MEX3D: variants seen among roughly 807,000 people sequenced by gnomAD.
The protein encoded by MEX3D is mex-3 RNA binding family member D, also known as RNA-binding protein MEX3D.
In MEX3D, 4 loss-of-function variants were observed where a neutral mutation model predicts 6.3. That is an observed-to-expected ratio of 0.64 (90% CI 0.31 to 1.46). The LOEUF is 1.46. Ranked by LOEUF, MEX3D falls within the 40% of genes most tolerant of loss-of-function variation. MEX3D has a pLI of 0.07. For missense variants in MEX3D, 1,038 were observed against 994.4 expected, an observed-to-expected ratio of 1.04 and a Z score of -0.59; for synonymous variants, 626 against 494.1, an observed-to-expected ratio of 1.27 and a Z score of -3.54.
intron 1 of MEX3D, among the ~76,000 whole-genome samples, chr19:1,566,356 G>A (rs1002903672): frequency 1.3e-5 from 2 of 152,252 alleles, no homozygotes; most frequent in Non-Finnish European, 2.9e-5. Context: ...GGAAAGGGCG[G>A]AGGGGAGGGC....
At position 1,568,199 on chromosome 19, in the gene MEX3D, G is replaced by A. The variant is rs1487803548; in HGVS notation, c.-141C>T. Reference sequence around the variant, plus strand: ...GGGCACGGGGGGCCGGGCGGGCGGGGCGGCGGCGGCGCGGGGCTGCTCGGG... The same window carrying A: ...GGGCACGGGGGGCCGGGCGGGCGGGACGGCGGCGGCGCGGGGCTGCTCGGG... On this transcript the variant is annotated 5_prime_UTR_variant, in exon 1 of 2. Coordinates refer to ENST00000402693, the MANE Select transcript of MEX3D (RefSeq NM_203304.4). 1 of 466,232 alleles carries A rather than the reference G, an allele frequency of 2.1e-6. No individual in the cohort carries two copies. Among genetic ancestry groups the A allele is most frequent in the East Asian group, 1.6e-4 (1 of 6,078 alleles). 28.9% of individuals were successfully genotyped at this position (466,232 alleles called of 1,614,324 possible). A position where few individuals can be genotyped will look rare whatever the true frequency, so the allele number is the denominator to read the frequency against.
In MEX3D at chr19:1,567,347, G is replaced by A. The variant is rs929415751; in HGVS notation, c.595+117C>T. On this transcript the variant is annotated intron_variant, in intron 1 of 1. Coordinates refer to ENST00000402693, the MANE Select transcript of MEX3D (RefSeq NM_203304.4). The surrounding 1 kb of genome is among the most constrained non-coding windows in gnomAD (Gnocchi z 6.5). ...AGCGGCCGAGGCCGGAGCCCACGCG[G>A]GGCGTGTCCGGTGCGGGGCGTCCGG... 8.4e-6 allele frequency: 10 copies of A among 1,190,384 alleles called. No individual in the cohort carries two copies. Among genetic ancestry groups the A allele is most frequent in the South Asian group, 2.0e-5 (1 of 49,020 alleles). The allele number at this position is 1,190,384 out of a possible 1,614,324, so 73.7% of individuals were successfully genotyped here.
At position 1,556,771 on chromosome 19, in the gene MEX3D, T is replaced by A; in HGVS notation, c.748A>T (p.Ile250Phe). Residue 250 changes from isoleucine to phenylalanine, a missense_variant, in exon 2 of 2, where the codon ATC (isoleucine) becomes TTC (phenylalanine). Ile to Phe is a conservative substitution (Grantham distance 21). Around this residue, in one of 5 missense-constraint regions of MEX3D, gnomAD observed 52 missense variants for 37.4 expected, o/e 1.39. Transcript: ENST00000402693. The surrounding 1 kb of genome is among the most constrained non-coding windows in gnomAD (Gnocchi z 7.5). Reference protein sequence around the residue: ...ILSAAEHFSIIRATRSKAGGL... With the variant: ...ILSAAEHFSIFRATRSKAGGL... ...CCGGCCTTGCTGCGCGTGGCGCGGATGATGGAGAAGTGTTCGGCCGCCGAC... is the reference window on the plus strand; with the variant it reads ...CCGGCCTTGCTGCGCGTGGCGCGGAAGATGGAGAAGTGTTCGGCCGCCGAC... The A allele has an allele frequency of 6.2e-7, 1 of 1,612,464 alleles. No homozygotes were observed. The highest frequency in any genetic ancestry group is 8.5e-7 in the Non-Finnish European group (1 of 1,179,738).
At chr19:1,557,751 C>T (rs1485549194) in intron 1 of MEX3D, among the ~76,000 whole-genome samples, 5 of 146,308 alleles carry the variant, frequency 3.4e-5, no homozygotes, top group Admixed American at 6.9e-5. Context: ...CCCAGGTACT[C>T]GGGAGGCTGA....
chr19:1,567,329 G>T lies in MEX3D; in HGVS notation c.595+135C>A. 9.5e-7 allele frequency: 1 copy of T among 1,055,492 alleles called. No individual in the cohort carries two copies. Among genetic ancestry groups the T allele is most frequent in the Non-Finnish European group, 1.2e-6 (1 of 806,012 alleles). 65.4% of individuals were successfully genotyped at this position (1,055,492 alleles called of 1,614,324 possible). ...GGACAAAGGCGCAAAGGCAGCGGCC[G>T]AGGCCGGAGCCCACGCGGGGCGTGT... is the stretch of plus-strand genomic sequence containing the variant. On this transcript the variant is annotated intron_variant, in intron 1 of 1. Transcript: ENST00000402693. The surrounding 1 kb of genome is among the most constrained non-coding windows in gnomAD (Gnocchi z 6.5).
rs201283217 is a variant in MEX3D, at chr19:1,556,744, C to A, written c.775G>T (p.Gly259Cys). The change falls in exon 2 of 2, where the codon GGT becomes TGT. Residue 259 changes from glycine to cysteine, a missense_variant. Physicochemically the swap from Gly to Cys is radical, Grantham distance 159. Transcript: ENST00000402693. The surrounding 1 kb of genome is among the most constrained non-coding windows in gnomAD (Gnocchi z 7.5). ...IIRATRSKAG[G>C]LPGAAQGPPN... ...GGGCCCTGGGCGGCGCCGGGCAGAC[C>A]CCCGGCCTTGCTGCGCGTGGCGCGG... 2.5e-6 allele frequency: 4 copies of A among 1,612,068 alleles called. No individual in the cohort carries two copies. In the East Asian group the frequency reaches 8.9e-5, roughly 36 times the overall value.
Position 1,568,126 on chromosome 19 carries a change from C to A in MEX3D, c.-68G>T, listed in dbSNP as rs890555448. The A allele has an allele frequency of 1.0e-6, 1 of 978,054 alleles. No individual in the cohort carries two copies. Among genetic ancestry groups the A allele is most frequent in the African/African-American group, 1.8e-5 (1 of 55,954 alleles). The allele number at this position is 978,054 out of a possible 1,614,324, so 60.6% of individuals were successfully genotyped here. A position where few individuals can be genotyped will look rare whatever the true frequency, so the allele number is the denominator to read the frequency against. On this transcript the variant is annotated 5_prime_UTR_variant, in exon 1 of 2. An upstream open reading frame in the 5' UTR gains an earlier in-frame stop. Transcript: ENST00000402693. ...CGCCGCCGCCGCCCGCGCCGCCCTC[C>A]GCCTCTGCGAGCTGGGCCGCCGGCC...
intron 1 of MEX3D, among the ~76,000 whole-genome samples, chr19:1,564,907 G>T: frequency 6.6e-6 from 1 of 152,158 alleles, no homozygotes; most frequent in East Asian, 1.9e-4. Flanking sequence ...TTGAGAACGG[G>T]GTGGGTGGGA....
chr19:1,555,440 C>CA lies in MEX3D; in HGVS notation c.*122_*123insT. The stretch of plus-strand genomic sequence containing the variant: ...GTAAACACTGGCCGCCGCCCACCCC[C>CA]CTGCCCCCTCGGCCTCCGCCCCTCG... On this transcript the variant is annotated 3_prime_UTR_variant, in exon 2 of 2. Transcript: ENST00000402693. 2 of 1,470,452 alleles carry CA rather than the reference C, an allele frequency of 1.4e-6. No individual in the cohort carries two copies. The highest frequency in any genetic ancestry group is 1.4e-5 in the African/African-American group (1 of 70,018). The allele number at this position is 1,470,452 out of a possible 1,614,324, so 91.1% of individuals were successfully genotyped here.
intron 1 of MEX3D, among the ~76,000 whole-genome samples, chr19:1,563,534 G>T (rs2145575730): frequency 6.6e-6 from 1 of 152,308 alleles, no homozygotes; most frequent in African/African-American, 2.4e-5. Context: ...AACATGCAGG[G>T]GGAGAGGCTG....
At chr19:1,557,091 T>C (rs1407842411) in intron 1 of MEX3D, among the ~76,000 whole-genome samples, 168 bp from the exon 2 acceptor site, 1 of 152,176 alleles carries the variant, frequency 6.6e-6, no homozygotes, top group East Asian at 1.9e-4. Context: ...TCAGCCTCAG[T>C]TTCCCCTCTG....
chr19:1,561,036 C>T (rs948144597), intron 1 of MEX3D, among the ~76,000 whole-genome samples: 1 of 152,218 alleles, frequency 6.6e-6, no homozygotes, highest in Non-Finnish European at 1.5e-5. Context: ...AATTCCAACT[C>T]GGAGGGCTTG....
intron 1 of MEX3D, among the ~76,000 whole-genome samples, chr19:1,566,270 G>A (rs1291221345): frequency 1.3e-5 from 2 of 152,114 alleles, no homozygotes; most frequent in Non-Finnish European, 1.5e-5. Flanking sequence ...CTGACCCTCC[G>A]TGGGTCCCCA....
At position 1,556,489 on chromosome 19, in the gene MEX3D, C is replaced by A. The variant is rs1255319585; in HGVS notation, c.1030G>T (p.Ala344Ser). The change falls in exon 2 of 2, where the codon GCC (alanine) becomes TCC (serine). Residue 344 changes from alanine (A) to serine (S), a missense_variant. Transcript: ENST00000402693. This position sits in a 1 kb window ranked among gnomAD's most constrained non-coding sequence, Gnocchi z 7.5. The stretch of plus-strand genomic sequence containing the variant: ...CTGTCGGGGCCCGCGTCGGTGAAGG[C>A]GCCAGTGCGCAGCGTGATGTGCGCC... ...IEAHITLRTGAFTDAGPDSDF... is the reference protein window; with the variant it reads ...IEAHITLRTGSFTDAGPDSDF... 1 of 1,603,708 alleles carries A rather than the reference C, an allele frequency of 6.2e-7. No homozygotes were observed.
intron 1 of MEX3D, among the ~76,000 whole-genome samples, chr19:1,558,308 TGA>T (rs1227963234): frequency 6.7e-6 from 1 of 149,442 alleles, no homozygotes; most frequent in African/African-American, 2.5e-5. Context: ...GAGGCTGCAG[TGA>T]GCTATGATCA....
In MEX3D at chr19:1,555,511, G is replaced by T; in HGVS notation, c.*52C>A. 2 of 1,275,100 alleles carry T rather than the reference G, an allele frequency of 1.6e-6. No individual in the cohort carries two copies. The highest frequency in any genetic ancestry group is 3.2e-5 in the African/African-American group (2 of 62,198). The allele number at this position is 1,275,100 out of a possible 1,614,324, so 79.0% of individuals were successfully genotyped here. ...CACCCCGGGTCCCGCCCCGTCTCCC[G>T]CGCCCACCCCTGGCCCCCGCAGATG... On this transcript the variant is annotated 3_prime_UTR_variant, in exon 2 of 2. Transcript: ENST00000402693.
intron 1 of MEX3D, among the ~76,000 whole-genome samples, chr19:1,562,456 C>G (rs575111184): frequency 1.9e-4 from 28 of 147,958 alleles, no homozygotes; most frequent in Non-Finnish European, 3.6e-4. Flanking sequence ...ACCCGGGAGG[C>G]AGAGCTTGCA....
In MEX3D at chr19:1,555,666, T is replaced by C. The variant is rs1914512823; in HGVS notation, c.1853A>G (p.Asn618Ser). ...VMAALVPCGHNLFCMDCAVRI... is the reference protein window; with the variant it reads ...VMAALVPCGHSLFCMDCAVRI... ...GACGGCGCAGTCCATGCAGAAGAGG[T>C]TGTGGCCGCAGGGGACCAGCGCAGC... is the stretch of plus-strand genomic sequence containing the variant. Residue 618 changes from asparagine to serine, a missense_variant, in exon 2 of 2, where the codon AAC becomes AGC. Asn to Ser is a conservative substitution (Grantham distance 46). Around this residue, in one of 5 missense-constraint regions of MEX3D, gnomAD observed 581 missense variants for 516.2 expected, o/e 1.13. Coordinates refer to ENST00000402693, the MANE Select transcript of MEX3D (RefSeq NM_203304.4). 1.3e-6 allele frequency: 2 copies of C among 1,582,414 alleles called. No individual in the cohort carries two copies. Among genetic ancestry groups the C allele is most frequent in the African/African-American group, 1.4e-5 (1 of 73,862 alleles).
intron 1 of MEX3D, among the ~76,000 whole-genome samples, chr19:1,561,599 G>A (rs1914720029): frequency 1.3e-5 from 2 of 152,114 alleles, no homozygotes; most frequent in South Asian, 4.1e-4. Context: ...CACTTTGGGA[G>A]GCCAAGGCAG....
Sources: allele counts gnomAD v4.1 joint callset (sites outside exome capture counted in the v4.1 genomes callset), GRCh38; gene constraint gnomAD v4.1.1; regional missense constraint gnomAD v4.1.1; non-coding constraint Gnocchi (gnomAD v3.1); transcripts MANE v1.5; gene names NCBI Gene and HGNC (gene_info 2026-07-23, HGNC 2026-07-21).